Variants in PHACTR3 observed in about 807,000 individuals in gnomAD.
PHACTR3 encodes protein phosphatase 1, regulatory subunit 123.
Under a neutral mutation model 66.8 loss-of-function variants are expected in PHACTR3, and 16 were observed. The ratio of observed to expected loss-of-function variants is 0.24; its 90% CI spans 0.16 to 0.36. The LOEUF is 0.36. PHACTR3 is among the 10% of genes least tolerant of loss of function. The pLI is 1.00. For synonymous variants in PHACTR3, 323 were observed against 292.1 expected, an observed-to-expected ratio of 1.11 and a Z score of -1.08; for missense variants, 647 against 719.9, an observed-to-expected ratio of 0.90 and a Z score of 1.16.
intron 5 of PHACTR3, among the ~76,000 whole-genome samples, chr20:59,772,612 G>A (rs1248168719): frequency 1.3e-5 from 2 of 151,974 alleles, no homozygotes; most frequent in Non-Finnish European, 2.9e-5. Context: ...TCAAAGACGG[G>A]AGAGATCTTC....
intron 8 of PHACTR3, among the ~76,000 whole-genome samples, chr20:59,825,917 A>G (rs915672613): frequency 6.6e-5 from 10 of 152,144 alleles, no homozygotes; most frequent in African/African-American, 2.4e-4. Context: ...AGCGCCCTCA[A>G]AAAAGGGACC....
intron 1 of PHACTR3, among the ~76,000 whole-genome samples, chr20:59,715,294 T>G (rs1215218066): frequency 1.3e-5 from 2 of 152,204 alleles, no homozygotes. Context: ...TTAAAGAAAT[T>G]TCCTTTTATT....
At chr20:59,840,292 A>C in intron 9 of PHACTR3, 77 bp from the exon 10 acceptor site, 1 of 1,544,834 alleles carries the variant, frequency 6.5e-7, no homozygotes, top group Non-Finnish European at 8.7e-7. Context: ...TCTTGGGAAC[A>C]CTTCCCTGCT....
chr20:59,742,451 T>A (rs4810184), intron 1 of PHACTR3, among the ~76,000 whole-genome samples: 40,648 of 152,054 alleles, frequency 0.27, 8,246 homozygotes, highest in East Asian at 0.55. Flanking sequence ...CTGCTTCCTC[T>A]GCCTGCTCAC....
Position 59,624,674 on chromosome 20 carries a change from G to A in PHACTR3, c.118+19542G>A, listed in dbSNP as rs111988915. Among the ~76,000 whole-genome samples, 166 of 152,158 alleles carry A rather than the reference G, an allele frequency of 1.1e-3. 1 individual carries two copies. The highest frequency in any genetic ancestry group is 1.9e-3 in the Non-Finnish European group (132 of 68,000). ...TGGCAACTCGGGTACCATTCTCTGG[G>A]CCTACCCAAGGAACATATTACAGGG... On this transcript the variant is annotated intron_variant, in intron 1 of 12. Coordinates refer to ENST00000371015, the MANE Select transcript of PHACTR3 (RefSeq NM_080672.5).
intron 8 of PHACTR3, among the ~76,000 whole-genome samples, chr20:59,825,794 G>T (rs1008712486): frequency 1.3e-5 from 2 of 152,164 alleles, no homozygotes; most frequent in African/African-American, 4.8e-5. Flanking sequence ...GCTGTGGTCT[G>T]AATGTTTGTG....
intron 1 of PHACTR3, among the ~76,000 whole-genome samples, chr20:59,715,517 T>C (rs2038061335): frequency 6.6e-6 from 1 of 152,248 alleles, no homozygotes; most frequent in Middle Eastern, 3.2e-3. Flanking sequence ...TCTCTGCCTC[T>C]GGTTTACTAA....
chr20:59,739,331 T>C (rs950156680), intron 1 of PHACTR3, among the ~76,000 whole-genome samples: 2 of 152,146 alleles, frequency 1.3e-5, no homozygotes, highest in Non-Finnish European at 2.9e-5. Flanking sequence ...CCTAGCACAG[T>C]TAACACTTGT....
At chr20:59,577,721 C>A in intron 1 of PHACTR3, 2 of 833,366 alleles carry the variant, frequency 2.4e-6, no homozygotes, top group Admixed American at 5.2e-5. Context: ...TGCCCTTGGC[C>A]GTTGCGGGTG....
intron 1 of PHACTR3, among the ~76,000 whole-genome samples, chr20:59,578,251 G>A (rs528330437): frequency 3.3e-5 from 5 of 152,350 alleles, no homozygotes; most frequent in South Asian, 2.1e-4. Context: ...AGTTGAGGAC[G>A]GGGAGTGGCC....
rs1043777287 is a variant in PHACTR3 at position 59,778,519 on chromosome 20, G to A, written c.1174+4029G>A. 3.3e-5 allele frequency among the ~76,000 whole-genome samples: 5 copies of A among 152,192 alleles called. 1 individual carries two copies. In the South Asian group the frequency reaches 1.0e-3, roughly 31 times the overall value. On this transcript the variant is annotated intron_variant, in intron 7 of 12. Transcript: ENST00000371015. ...CCTGGCCGCTGTGTGGCAACACTTGGCCCCTTCTTCTCACCCAACCTTATT... is the reference window on the plus strand; with the variant it reads ...CCTGGCCGCTGTGTGGCAACACTTGACCCCTTCTTCTCACCCAACCTTATT...
intron 1 of PHACTR3, among the ~76,000 whole-genome samples, chr20:59,735,592 G>A (rs905239697): frequency 2.0e-5 from 3 of 152,096 alleles, no homozygotes; most frequent in Non-Finnish European, 1.5e-5. Context: ...ACTAAAGGGT[G>A]GACATCAAAG....
At position 59,749,118 on chromosome 20, in the gene PHACTR3, G is replaced by A. The variant is rs139119174; in HGVS notation, c.358+1283G>A. Reference sequence around the variant, plus strand: ...TGGCACTCAGATGGTTAACGCCGTCGTGACGCTCGGATTTGGCGGAATGCG... The same window carrying A: ...TGGCACTCAGATGGTTAACGCCGTCATGACGCTCGGATTTGGCGGAATGCG... On this transcript the variant is annotated intron_variant, in intron 3 of 12. Coordinates refer to ENST00000371015, the MANE Select transcript of PHACTR3 (RefSeq NM_080672.5). Among the ~76,000 whole-genome samples, 478 of 152,280 alleles carry A rather than the reference G, an allele frequency of 3.1e-3. 2 individuals are homozygous for A. Among genetic ancestry groups the A allele is most frequent in the South Asian group, 0.019 (94 of 4,824 alleles).
chr20:59,679,291 C>T (rs778677909), intron 1 of PHACTR3, among the ~76,000 whole-genome samples: 90 of 152,222 alleles, frequency 5.9e-4, no homozygotes, highest in Admixed American at 7.2e-4. Context: ...TGAAGCATCA[C>T]GACTCAGACA....
chr20:59,687,971 T>G (rs1367201901), intron 1 of PHACTR3, among the ~76,000 whole-genome samples: 1 of 152,206 alleles, frequency 6.6e-6, no homozygotes, highest in Admixed American at 6.5e-5. Flanking sequence ...CATGTGTCAC[T>G]GACTGGTGAT....
At chr20:59,760,216 A>G (rs922804005) in intron 4 of PHACTR3, among the ~76,000 whole-genome samples, 2 of 151,990 alleles carry the variant, frequency 1.3e-5, no homozygotes, top group African/African-American at 2.4e-5. Flanking sequence ...AATATTGCAA[A>G]TCTCTCAGGA....
rs781220541 is a variant in PHACTR3 at position 59,747,822 on chromosome 20, G to C, written c.345G>C (p.Glu115Asp). Residue 115 changes from glutamate (E) to aspartate (D), a missense_variant, in exon 3 of 13, where the codon GAG becomes GAC. Physicochemically the swap from Glu to Asp is conservative, Grantham distance 45. This residue lies in a region of PHACTR3 where 577 missense variants were observed against 571.1 expected (regional missense o/e 1.01). Transcript: ENST00000371015. ...REELIKKGLL[E>D]MMEQDAESKT... ...AGCTCATCAAGAAGGGGCTGCTGGA[G>C]ATGATGGAGCAGGGTAAGTGGGACC... The C allele has an allele frequency of 6.2e-7, 1 of 1,614,080 alleles. No homozygotes were observed. The highest frequency in any genetic ancestry group is 8.5e-7 in the Non-Finnish European group (1 of 1,180,002).
At chr20:59,664,815 T>G (rs1346424165) in intron 1 of PHACTR3, among the ~76,000 whole-genome samples, 1 of 152,168 alleles carries the variant, frequency 6.6e-6, no homozygotes, top group Non-Finnish European at 1.5e-5. Context: ...ATGCCGCCTT[T>G]CACAAGTCAG....
At chr20:59,800,448 T>G (rs2041378182) in intron 7 of PHACTR3, among the ~76,000 whole-genome samples, 1 of 151,982 alleles carries the variant, frequency 6.6e-6, no homozygotes, top group Admixed American at 6.5e-5. Context: ...TTGTCTGGGG[T>G]TTTTTTTCTT....
Sources: allele counts gnomAD v4.1 joint callset (sites outside exome capture counted in the v4.1 genomes callset), GRCh38; gene constraint gnomAD v4.1.1; regional missense constraint gnomAD v4.1.1; transcripts MANE v1.5; gene names NCBI Gene and HGNC (gene_info 2026-07-23, HGNC 2026-07-21).